Variants in JMJD1C observed in about 807,000 individuals in gnomAD.
JMJD1C encodes the protein jumonji domain containing 1C.
JMJD1C carries 31 observed loss-of-function variants against 245.3 expected under a neutral mutation model. The observed-to-expected ratio is 0.13, with a 90% CI of 0.09 to 0.17. JMJD1C has a LOEUF of 0.17. JMJD1C is among the 10% of genes least tolerant of loss of function. The pLI, the probability that JMJD1C is intolerant of heterozygous loss-of-function variation, is 1.00. For missense variants in JMJD1C, 2,691 were observed against 3,000.2 expected (o/e 0.90, Z 2.41); for synonymous variants, 1,057 against 1,017.4 (o/e 1.04, Z -0.74).
chr10:63,267,741 TGA>T (rs1855769387), intron 2 of JMJD1C, among the ~76,000 whole-genome samples: 1 of 151,948 alleles, frequency 6.6e-6, no homozygotes, highest in Non-Finnish European at 1.5e-5. Context: ...TTTATTAGAG[TGA>T]GAGTTTTTTT....
chr10:63,190,088 G>A (rs1044812870), intron 17 of JMJD1C, among the ~76,000 whole-genome samples: 6 of 151,766 alleles, frequency 4.0e-5, no homozygotes, highest in African/African-American at 1.4e-4. Context: ...AGTAGAGACA[G>A]GGTTTCACCA....
intron 1 of JMJD1C, among the ~76,000 whole-genome samples, chr10:63,494,002 A>G (rs1303710137): frequency 6.6e-6 from 1 of 152,178 alleles, no homozygotes; most frequent in Non-Finnish European, 1.5e-5. Context: ...ATGTAGCCTG[A>G]CTCAGAATAC....
At chr10:63,279,104 C>A (rs916821185) in intron 2 of JMJD1C, among the ~76,000 whole-genome samples, 5 of 151,044 alleles carry the variant, frequency 3.3e-5, no homozygotes, top group African/African-American at 1.2e-4. Context: ...ACAAAAAATT[C>A]TCCGGTGTGT....
Position 63,295,959 on chromosome 10 carries a change from A to ATGTGTG in JMJD1C, c.334-31201_334-31196dup, listed in dbSNP as rs370590868. Among the ~76,000 whole-genome samples the ATGTGTG allele has an allele frequency of 3.3e-3, 295 of 89,830 alleles. 10 individuals are homozygous for ATGTGTG. The highest frequency in any genetic ancestry group is 8.0e-3 in the East Asian group (26 of 3,266). The allele number at this position is 89,830 out of a possible 152,430, so 58.9% of individuals were successfully genotyped here. On this transcript the variant is annotated intron_variant, in intron 2 of 25. Transcript: ENST00000399262. ...TATACATATATATATATACACGTAT[A>ATGTGTG]TGTGTGTGTGTGTGTGTGTGTGTGT...
chr10:63,209,739 C>T (rs1000777108), intron 8 of JMJD1C, among the ~76,000 whole-genome samples: 4 of 152,106 alleles, frequency 2.6e-5, no homozygotes, highest in African/African-American at 9.7e-5. Context: ...AACCCAAATG[C>T]ACTCCCCATT....
At chr10:63,400,775 T>C (rs894526082) in intron 1 of JMJD1C, among the ~76,000 whole-genome samples, 4 of 152,130 alleles carry the variant, frequency 2.6e-5, no homozygotes, top group Admixed American at 1.3e-4. Context: ...TTTTTCACCA[T>C]GTTGGCCAGG....
intron 3 of JMJD1C, chr10:63,222,124 C>A: frequency 1.5e-6 from 1 of 683,068 alleles, no homozygotes; most frequent in Non-Finnish European, 2.7e-6. Flanking sequence ...TTACATAGCA[C>A]TTCCGCCAGG....
At chr10:63,511,516 C>A (rs1954871201) in intron 1 of JMJD1C, among the ~76,000 whole-genome samples, 1 of 152,120 alleles carries the variant, frequency 6.6e-6, no homozygotes, top group Admixed American at 6.5e-5. Flanking sequence ...TTGAGACCAG[C>A]CAGGCCAACA....
At chr10:63,276,522 T>TA (rs1380527348) in intron 2 of JMJD1C, among the ~76,000 whole-genome samples, 1 of 148,890 alleles carries the variant, frequency 6.7e-6, no homozygotes, top group Non-Finnish European at 1.5e-5. Flanking sequence ...CCAACTCTAC[T>TA]AAAAATACAA....
chr10:63,352,637 CAAAAAAA>C (rs145589142), intron 2 of JMJD1C, among the ~76,000 whole-genome samples: 1 of 96,780 alleles, frequency 1.0e-5, no homozygotes. Flanking sequence ...GACTCTGTCT[CAAAAAAA>C]AAAAAAAAAA....
intron 1 of JMJD1C, among the ~76,000 whole-genome samples, chr10:63,417,915 A>C (rs1047758354): frequency 1.3e-5 from 2 of 152,168 alleles, no homozygotes; most frequent in Admixed American, 1.3e-4. Flanking sequence ...CAACGAACTC[A>C]ACTATTTCAG....
intron 1 of JMJD1C, among the ~76,000 whole-genome samples, chr10:63,418,820 CTGTA>C (rs2132719408): frequency 6.6e-6 from 1 of 152,300 alleles, no homozygotes; most frequent in Non-Finnish European, 1.5e-5. Context: ...TGGTTCATGC[CTGTA>C]ATCCCAGCAT....
intron 1 of JMJD1C, among the ~76,000 whole-genome samples, chr10:63,444,465 G>A (rs1287475158): frequency 6.6e-6 from 1 of 151,716 alleles, no homozygotes; most frequent in Non-Finnish European, 1.5e-5. Context: ...GTAGAGACCG[G>A]GTTTCACCAT....
intron 2 of JMJD1C, among the ~76,000 whole-genome samples, chr10:63,329,389 A>T (rs983356342): frequency 6.6e-6 from 1 of 151,792 alleles, no homozygotes; most frequent in Admixed American, 6.6e-5. Context: ...AAATTTTGTT[A>T]CTCATTTGTG....
At chr10:63,398,496 T>C (rs1005018741) in intron 1 of JMJD1C, among the ~76,000 whole-genome samples, 4 of 152,186 alleles carry the variant, frequency 2.6e-5, no homozygotes, top group Non-Finnish European at 5.9e-5. Flanking sequence ...TAATACGGTA[T>C]TCTTCATCAA....
intron 3 of JMJD1C, among the ~76,000 whole-genome samples, chr10:63,233,725 TTA>T (rs60964501): frequency 0.11 from 14,931 of 140,648 alleles, 2,147 homozygotes; most frequent in African/African-American, 0.33. Context: ...TATATACATA[TTA>T]TATATATATA....
chr10:63,384,812 C>T lies in JMJD1C; in HGVS notation c.169-4330G>A, dbSNP rs1358087277. Among the ~76,000 whole-genome samples the T allele has an allele frequency of 3.9e-5, 6 of 152,126 alleles. No individual in the cohort carries two copies. In the East Asian group the frequency reaches 5.8e-4, roughly 15 times the overall value. On this transcript the variant is annotated intron_variant, in intron 1 of 25. Transcript: ENST00000399262. Reference sequence around the variant, plus strand: ...GGCTTCTCCATATCAGCAATAACAACGTTTCACTTTCTTATCATCCCTGTG... The same window carrying T: ...GGCTTCTCCATATCAGCAATAACAATGTTTCACTTTCTTATCATCCCTGTG...
intron 2 of JMJD1C, among the ~76,000 whole-genome samples, chr10:63,277,603 G>A (rs532230275): frequency 8.5e-5 from 13 of 152,050 alleles, no homozygotes; most frequent in Admixed American, 3.3e-4. Context: ...GTATATTCTG[G>A]TCTCTTACCA....
chr10:63,209,878 G>A (rs982308594), intron 8 of JMJD1C, among the ~76,000 whole-genome samples: 3 of 152,022 alleles, frequency 2.0e-5, no homozygotes, highest in African/African-American at 4.8e-5. Flanking sequence ...CCTCTTCATC[G>A]AGACATACAG....
Sources: gnomAD v4.1 joint callset for allele counts (sites outside exome capture counted in the v4.1 genomes callset) on GRCh38, gnomAD v4.1.1 for gene constraint, MANE v1.5 for transcripts, NCBI Gene and HGNC (gene_info 2026-07-23, HGNC 2026-07-21) for gene names.